The following CFAP43 variants were observed in gnomAD, a reference collection of about 807,000 sequenced individuals.
CFAP43 encodes the protein cilia- and flagella-associated protein 43.
Under a neutral mutation model 218.9 loss-of-function variants are expected in CFAP43, and 155 were observed. That is an observed-to-expected ratio of 0.71 (90% confidence interval 0.62 to 0.81). The LOEUF is 0.81. Ranked by LOEUF, CFAP43 falls within the 30% of genes least tolerant of loss-of-function variation. The pLI is 0.00. For synonymous variants in CFAP43, 645 were observed against 681.3 expected, an observed-to-expected ratio of 0.95 and a Z score of 0.83; for missense variants, 1,778 against 1,954.3, an observed-to-expected ratio of 0.91 and a Z score of 1.70.
chr10:104,231,808 G>C (rs2091455050), intron 1 of CFAP43, among the ~76,000 whole-genome samples: 1 of 152,224 alleles, frequency 6.6e-6, no homozygotes. Flanking sequence ...GCAAGGACGG[G>C]ATCCGGGCTG....
chr10:104,206,830 A>G (rs2090705669), intron 6 of CFAP43, among the ~76,000 whole-genome samples: 1 of 152,192 alleles, frequency 6.6e-6, no homozygotes, highest in African/African-American at 2.4e-5. Flanking sequence ...AGGGTCAGGA[A>G]TAGACACTAT....
chr10:104,200,746 A>T (rs1369047896), intron 8 of CFAP43, among the ~76,000 whole-genome samples: 1 of 151,260 alleles, frequency 6.6e-6, no homozygotes, highest in Non-Finnish European at 1.5e-5. Flanking sequence ...TGGGAAGAGC[A>T]TTCCAGACAG....
intron 22 of CFAP43, among the ~76,000 whole-genome samples, chr10:104,166,943 G>T (rs1228038920): frequency 6.6e-6 from 1 of 152,196 alleles, no homozygotes; most frequent in Admixed American, 6.5e-5. Context: ...AATTGTCCTG[G>T]ATGGTGTGTA....
At position 104,230,499 on chromosome 10, in the gene CFAP43, T is replaced by C. The variant is rs1307643076; in HGVS notation, c.319+91A>G. The C allele has an allele frequency of 4.0e-6, 6 of 1,486,736 alleles. No homozygotes were observed. In the East Asian group the frequency reaches 1.1e-4, roughly 28 times the overall value. 92.1% of individuals were successfully genotyped at this position (1,486,736 alleles called of 1,614,324 possible). On this transcript the variant is annotated intron_variant, in intron 2 of 37. Transcript: ENST00000357060. Reference sequence around the variant, plus strand: ...ACAAAAAACAAACAAAAAAAACCTTTCAAAAAATAAATCTTCACTTATAAT... The same window carrying C: ...ACAAAAAACAAACAAAAAAAACCTTCCAAAAAATAAATCTTCACTTATAAT...
chr10:104,196,517 A>G (rs1221937945), intron 10 of CFAP43, among the ~76,000 whole-genome samples: 1 of 152,122 alleles, frequency 6.6e-6, no homozygotes, highest in Non-Finnish European at 1.5e-5. Flanking sequence ...TGGAACCCCC[A>G]TCAGCCTGGC....
At chr10:104,155,239 C>T (rs1014400504) in intron 27 of CFAP43, among the ~76,000 whole-genome samples, 1 of 152,100 alleles carries the variant, frequency 6.6e-6, no homozygotes, top group Non-Finnish European at 1.5e-5. Flanking sequence ...GTAAACTTGG[C>T]GATGTCTCTG....
At chr10:104,202,771 A>AG (rs2090568906) in intron 8 of CFAP43, among the ~76,000 whole-genome samples, 1 of 149,772 alleles carries the variant, frequency 6.7e-6, no homozygotes, top group African/African-American at 2.4e-5. Flanking sequence ...TATTCTCCAT[A>AG]GATATTTTAA....
chr10:104,180,401 C>T (rs1181617516), intron 17 of CFAP43, among the ~76,000 whole-genome samples: 1 of 151,766 alleles, frequency 6.6e-6, no homozygotes, highest in Non-Finnish European at 1.5e-5. Context: ...AGGAAAACTA[C>T]TCTCACTTGA....
intron 11 of CFAP43, 46 bp downstream of exon 11, chr10:104,193,819 CA>C (rs2090302703): frequency 1.3e-6 from 2 of 1,575,158 alleles, no homozygotes; most frequent in Middle Eastern, 1.7e-4. Flanking sequence ...GAATTTTCAA[CA>C]GACGGGTGTG....
intron 8 of CFAP43, among the ~76,000 whole-genome samples, chr10:104,203,244 C>T (rs1012470719): frequency 1.3e-5 from 2 of 152,152 alleles, no homozygotes; most frequent in Non-Finnish European, 2.9e-5. Context: ...GTGATTCAGT[C>T]AGTCCAATGA....
At position 104,232,333 on chromosome 10, in the gene CFAP43, G is replaced by C; in HGVS notation, c.-87C>G. The C allele has an allele frequency of 1.5e-6, 2 of 1,331,618 alleles. No homozygotes were observed. The highest frequency in any genetic ancestry group is 2.0e-6 in the Non-Finnish European group (2 of 1,000,266). The allele number at this position is 1,331,618 out of a possible 1,614,324, so 82.5% of individuals were successfully genotyped here. A position where few individuals can be genotyped will look rare whatever the true frequency, so the allele number is the denominator to read the frequency against. ...ACCTTTCCGCCGCCGCGGGGCTGCG[G>C]GCCGCGACGCCGCTGCTGTGTACAC... On this transcript the variant is annotated 5_prime_UTR_variant, in exon 1 of 38. Coordinates refer to ENST00000357060, the MANE Select transcript of CFAP43 (RefSeq NM_025145.7).
At chr10:104,194,233 G>A (rs1162773044) in intron 10 of CFAP43, among the ~76,000 whole-genome samples, 2 of 152,040 alleles carry the variant, frequency 1.3e-5, no homozygotes, top group Non-Finnish European at 2.9e-5. Context: ...CCTAAAATTA[G>A]AGTAATAAAA....
chr10:104,163,421 G>A (rs74154744), intron 24 of CFAP43, among the ~76,000 whole-genome samples: 148 of 152,282 alleles, frequency 9.7e-4, no homozygotes, highest in African/African-American at 3.5e-3. Context: ...TTGGTTTTAT[G>A]TGAGAAAAGG....
At chr10:104,225,952 C>A (rs920633979) in intron 2 of CFAP43, among the ~76,000 whole-genome samples, 2 of 152,240 alleles carry the variant, frequency 1.3e-5, no homozygotes, top group Non-Finnish European at 2.9e-5. Context: ...TTCTAGCTTA[C>A]TTCCTTATTT....
intron 2 of CFAP43, 71 bp downstream of exon 2, chr10:104,230,519 T>G: frequency 6.6e-7 from 1 of 1,519,962 alleles, no homozygotes; most frequent in Non-Finnish European, 8.9e-7. Flanking sequence ...AATCTTCACT[T>G]ATAATAGATT....
intron 15 of CFAP43, 102 bp from the exon 16 acceptor site, chr10:104,185,248 C>G (rs2089994698): frequency 6.9e-7 from 1 of 1,456,952 alleles, no homozygotes; most frequent in African/African-American, 1.4e-5. Flanking sequence ...AAATCATTTT[C>G]TATTTGCTAA....
At chr10:104,212,920 T>C (rs1479426942) in intron 4 of CFAP43, among the ~76,000 whole-genome samples, 1 of 152,212 alleles carries the variant, frequency 6.6e-6, no homozygotes, top group African/African-American at 2.4e-5. Flanking sequence ...CTGCTTGCTT[T>C]GTGAACTAGG....
intron 34 of CFAP43, 133 bp from the exon 35 acceptor site, chr10:104,133,917 C>T: frequency 4.5e-6 from 4 of 887,408 alleles, no homozygotes; most frequent in Non-Finnish European, 4.9e-6. Flanking sequence ...AAGAAACAGA[C>T]ATTAAAAATG....
At chr10:104,228,036 G>A (rs1401922845) in intron 2 of CFAP43, among the ~76,000 whole-genome samples, 1 of 151,694 alleles carries the variant, frequency 6.6e-6, no homozygotes, top group Non-Finnish European at 1.5e-5. Context: ...TAAAGATGGG[G>A]TTTCCCCATG....
Sources: gnomAD v4.1 joint callset for allele counts (sites outside exome capture counted in the v4.1 genomes callset) on GRCh38, gnomAD v4.1.1 for gene constraint, MANE v1.5 for transcripts, NCBI Gene and HGNC (gene_info 2026-07-23, HGNC 2026-07-21) for gene names.